TUT7: variants seen among roughly 807,000 people sequenced by gnomAD.
TUT7 encodes terminal uridylyl transferase 7, also known as terminal uridylyltransferase 7.
A neutral mutation model predicts 165.9 loss-of-function variants in TUT7; 33 were observed. The observed-to-expected ratio is 0.20, with a 90% confidence interval of 0.15 to 0.27. The LOEUF (loss-of-function observed/expected upper bound fraction) is 0.27, where lower values mean the gene tolerates loss of function less well. TUT7 is among the 10% of genes least tolerant of loss of function. TUT7 has a pLI of 1.00. For missense variants in TUT7, 1,338 were observed against 1,762.3 expected, an observed-to-expected ratio of 0.76 and a Z score of 4.31; for synonymous variants, 552 against 608.1, an observed-to-expected ratio of 0.91 and a Z score of 1.36.
At position 86,288,657 on chromosome 9, in the gene TUT7, A is replaced by C. The variant is rs1340754267; in HGVS notation, c.*20T>G. On this transcript the variant is annotated 3_prime_UTR_variant, in exon 27 of 27. Coordinates refer to ENST00000375963, the MANE Select transcript of TUT7 (RefSeq NM_024617.4). ...TAGGAACGCCTGAGTGGCCATTTAG[A>C]GTGCTGCATTTTCCTTCCCTCATGA... 1 of 1,609,346 alleles carries C rather than the reference A, an allele frequency of 6.2e-7. No homozygotes were observed. Among genetic ancestry groups the C allele is most frequent in the Admixed American group, 1.7e-5 (1 of 59,980 alleles).
At chr9:86,342,909 T>G (rs1031095435) in intron 6 of TUT7, among the ~76,000 whole-genome samples, 166 bp downstream of exon 6, 1 of 151,830 alleles carries the variant, frequency 6.6e-6, no homozygotes, top group Non-Finnish European at 1.5e-5. Context: ...AGTATGAAAA[T>G]TTGCAGAGTA....
Position 86,301,440 on chromosome 9 carries a change from T to G in TUT7, c.4256A>C (p.Lys1419Thr). 1 of 1,614,176 alleles carries G rather than the reference T, an allele frequency of 6.2e-7. No individual in the cohort carries two copies. The change falls in exon 26 of 27, where the codon AAG (lysine) becomes ACG (threonine). Residue 1419 changes from lysine to threonine, a missense_variant. By Grantham distance (78) the Lys-to-Thr change is moderately conservative. Around this residue, in one of 7 missense-constraint regions of TUT7, gnomAD observed 167 missense variants for 204.9 expected, o/e 0.82. Coordinates refer to ENST00000375963, the MANE Select transcript of TUT7 (RefSeq NM_024617.4). ...KPIQCTPQKA[K>T]PMRAAADLGR... ...CAGGTCAGCAGCTGCCCGCATTGGCTTGGCTTTCTGAGGTGTGCACTGTAT... is the reference window on the plus strand; with the variant it reads ...CAGGTCAGCAGCTGCCCGCATTGGCGTGGCTTTCTGAGGTGTGCACTGTAT...
At chr9:86,304,813 CTTT>C (rs755338520) in intron 24 of TUT7, 40 bp downstream of exon 24, 1 of 1,406,414 alleles carries the variant, frequency 7.1e-7, no homozygotes, top group Admixed American at 2.1e-5. Flanking sequence ...AAATTAGGCA[CTTT>C]TTTTTATTTT....
intron 2 of TUT7, among the ~76,000 whole-genome samples, chr9:86,346,844 A>T (rs1000279982): frequency 3.9e-5 from 6 of 152,164 alleles, no homozygotes; most frequent in Non-Finnish European, 7.4e-5. Context: ...ATTACAATAC[A>T]TATTGTAAAT....
rs1827787416 is a variant in TUT7 at position 86,309,114 on chromosome 9, A to T, written c.3660+98T>A. 18 of 730,226 alleles carry T rather than the reference A, an allele frequency of 2.5e-5. 1 individual carries two copies. In the South Asian group the frequency reaches 2.9e-4, roughly 12 times the overall value. 45.2% of individuals were successfully genotyped at this position (730,226 alleles called of 1,614,324 possible). The stretch of plus-strand genomic sequence containing the variant: ...TTTTTTACTATCATAAGATATATAA[A>T]TACAACAAGCAATAAAATAGTTGTT... On this transcript the variant is annotated intron_variant, in intron 21 of 26. Transcript: ENST00000375963.
At chr9:86,335,440 G>C (rs1042424671) in intron 10 of TUT7, among the ~76,000 whole-genome samples, 1 of 152,124 alleles carries the variant, frequency 6.6e-6, no homozygotes, top group African/African-American at 2.4e-5. Context: ...AGGTTGGAGA[G>C]GGTTGGAGTC....
At chr9:86,342,542 TG>T (rs1287610307) in intron 6 of TUT7, among the ~76,000 whole-genome samples, 1 of 152,188 alleles carries the variant, frequency 6.6e-6, no homozygotes, top group Non-Finnish European at 1.5e-5. Context: ...CCAGAGTAGC[TG>T]GGACTACAGA....
At chr9:86,335,987 A>G (rs1163472945) in intron 10 of TUT7, among the ~76,000 whole-genome samples, 1 of 152,192 alleles carries the variant, frequency 6.6e-6, no homozygotes, top group Non-Finnish European at 1.5e-5. Flanking sequence ...AAGGGTATCC[A>G]TACTACCCTG....
intron 16 of TUT7, among the ~76,000 whole-genome samples, chr9:86,318,617 T>C (rs1192250558): frequency 1.3e-5 from 2 of 152,230 alleles, no homozygotes; most frequent in Non-Finnish European, 2.9e-5. Context: ...ACTGCCTGTC[T>C]GGTAACAAAC....
chr9:86,331,315 A>T lies in TUT7; in HGVS notation c.1456-2823T>A, dbSNP rs138461571. Among the ~76,000 whole-genome samples, 392 of 152,278 alleles carry T rather than the reference A, an allele frequency of 2.6e-3. 2 individuals carry two copies. The highest frequency in any genetic ancestry group is 4.3e-3 in the Non-Finnish European group (292 of 68,024). ...AATGTACCATATGGACTTGTAAAAA[A>T]TATGTATTCTCCAGTTATTGGGTAT... On this transcript the variant is annotated intron_variant, in intron 10 of 26. Coordinates refer to ENST00000375963, the MANE Select transcript of TUT7 (RefSeq NM_024617.4).
intron 10 of TUT7, among the ~76,000 whole-genome samples, chr9:86,335,162 G>A (rs559763695): frequency 2.0e-5 from 3 of 152,178 alleles, no homozygotes; most frequent in Admixed American, 2.0e-4. Context: ...CTCATTCAAG[G>A]TTCAGAATGA....
Position 86,317,208 on chromosome 9 carries a change from T to C in TUT7, c.3274+11A>G. 2 of 1,611,432 alleles carry C rather than the reference T, an allele frequency of 1.2e-6. No homozygotes were observed. The highest frequency in any genetic ancestry group is 2.7e-5 in the African/African-American group (2 of 74,978). ...GTCAGAAATATTTTTAGAAAAAGTT[T>C]ACAGAGGTACCTGAATGTTTTCTGA... On this transcript the variant is annotated intron_variant, in intron 17 of 26. Coordinates refer to ENST00000375963, the MANE Select transcript of TUT7 (RefSeq NM_024617.4).
intron 7 of TUT7, 24 bp downstream of exon 7, chr9:86,340,978 T>G: frequency 1.3e-6 from 2 of 1,593,402 alleles, no homozygotes; most frequent in Non-Finnish European, 1.7e-6. Context: ...ATAAAAATTT[T>G]TTAAATGTGG....
chr9:86,291,819 T>C (rs1211324659), intron 26 of TUT7, among the ~76,000 whole-genome samples: 1 of 152,214 alleles, frequency 6.6e-6, no homozygotes, highest in Non-Finnish European at 1.5e-5. Context: ...ACATAAGCTA[T>C]GACCTAACGA....
chr9:86,306,178 T>C (rs2131330463), intron 22 of TUT7, among the ~76,000 whole-genome samples: 1 of 152,244 alleles, frequency 6.6e-6, no homozygotes, highest in South Asian at 2.1e-4. Context: ...AGCGATGACC[T>C]TTTTTCGGGA....
chr9:86,293,326 CT>C (rs1425979442), intron 26 of TUT7, among the ~76,000 whole-genome samples: 1 of 152,010 alleles, frequency 6.6e-6, no homozygotes, highest in African/African-American at 2.4e-5. Flanking sequence ...GTCTCACTAG[CT>C]TATGGTCCCA....
At chr9:86,306,417 T>C (rs747595526) in intron 22 of TUT7, among the ~76,000 whole-genome samples, 2 of 152,244 alleles carry the variant, frequency 1.3e-5, no homozygotes, top group Non-Finnish European at 2.9e-5. Flanking sequence ...AGTTTGGTCA[T>C]TCTTTCTTCA....
At chr9:86,316,524 G>A (rs1025588862) in intron 17 of TUT7, among the ~76,000 whole-genome samples, 1 of 152,244 alleles carries the variant, frequency 6.6e-6, no homozygotes, top group Non-Finnish European at 1.5e-5. Flanking sequence ...CACAAGCCCA[G>A]TCCGGGGTGC....
intron 10 of TUT7, among the ~76,000 whole-genome samples, chr9:86,328,883 G>A (rs1339768831): frequency 6.6e-6 from 1 of 152,022 alleles, no homozygotes; most frequent in Non-Finnish European, 1.5e-5. Flanking sequence ...GGTAACACTA[G>A]GACTTCCTTC....
Sources: gnomAD v4.1 joint callset for allele counts (sites outside exome capture counted in the v4.1 genomes callset) on GRCh38, gnomAD v4.1.1 for gene constraint, gnomAD v4.1.1 regional missense constraint, MANE v1.5 for transcripts, NCBI Gene and HGNC (gene_info 2026-07-23, HGNC 2026-07-21) for gene names.